The following PRCC variants were observed in gnomAD, a reference collection of about 807,000 sequenced individuals.
PRCC encodes the protein proline rich mitotic checkpoint control factor, also known as proline-rich protein PRCC.
In PRCC, 10 loss-of-function variants were observed where a neutral mutation model predicts 44.0. That is an observed-to-expected ratio of 0.23 (90% CI 0.14 to 0.39). The LOEUF (loss-of-function observed/expected upper bound fraction) is 0.39. Among genes scored for constraint, PRCC ranks in the 10% least tolerant of loss-of-function variants. The probability of loss-of-function intolerance (pLI) is 1.00; values close to 1 mark genes in which losing one functional copy is unlikely to be tolerated. For synonymous variants in PRCC, 278 were observed against 259.5 expected, an observed-to-expected ratio of 1.07 and a Z score of -0.69; for missense variants, 573 against 624.7, an observed-to-expected ratio of 0.92 and a Z score of 0.88.
chr1:156,768,175 T>C lies in PRCC; in HGVS notation c.404T>C (p.Leu135Pro). ...GGCGGTGCCGGTCCCCCGCTGGGGCTTCCCAAGCCAAAGAAGAGGAAAGAG... is the reference window on the plus strand; with the variant it reads ...GGCGGTGCCGGTCCCCCGCTGGGGCCTCCCAAGCCAAAGAAGAGGAAAGAG... Reference protein sequence around the residue: ...PIGGAGPPLGLPKPKKRKEPV... With the variant: ...PIGGAGPPLGPPKPKKRKEPV... The change falls in exon 1 of 7, where the codon CTT (leucine) becomes CCT (proline). Residue 135 changes from leucine to proline, a missense_variant. Coordinates refer to ENST00000271526, the MANE Select transcript of PRCC (RefSeq NM_005973.5). 1.9e-6 allele frequency: 3 copies of C among 1,552,570 alleles called. No individual in the cohort carries two copies. Among genetic ancestry groups the C allele is most frequent in the Non-Finnish European group, 2.6e-6 (3 of 1,148,716 alleles).
Position 156,767,563 on chromosome 1 carries a change from A to G in PRCC, c.-209A>G, listed in dbSNP as rs887002878. ...CATTAGCTGTGTGTAGTTGCCCGGG[A>G]CTAGGAGCTTAAGTGAAGAGGTACG... On this transcript the variant is annotated 5_prime_UTR_variant, in exon 1 of 7. Transcript: ENST00000271526. 2.9e-5 allele frequency: 17 copies of G among 587,546 alleles called. No homozygotes were observed. The highest frequency in any genetic ancestry group is 4.2e-5 in the Non-Finnish European group (14 of 334,922). The allele number at this position is 587,546 out of a possible 1,614,324, so 36.4% of individuals were successfully genotyped here. A position where few individuals can be genotyped will look rare whatever the true frequency, so the allele number is the denominator to read the frequency against.
intron 1 of PRCC, among the ~76,000 whole-genome samples, chr1:156,780,424 G>T (rs931382350): frequency 1.3e-5 from 2 of 150,412 alleles, no homozygotes; most frequent in Non-Finnish European, 3.0e-5. Context: ...TTAATTTTAA[G>T]ATTTATTTTT....
At chr1:156,779,128 A>ATATTTTT (rs1651947127) in intron 1 of PRCC, among the ~76,000 whole-genome samples, 3 of 35,882 alleles carry the variant, frequency 8.4e-5, no homozygotes, top group African/African-American at 2.5e-4. Flanking sequence ...ATATATATAT[A>ATATTTTT]TTTTTTTTTT....
intron 2 of PRCC, 58 bp from the exon 3 acceptor site, chr1:156,786,550 T>C: frequency 6.6e-7 from 1 of 1,509,948 alleles, no homozygotes; most frequent in Non-Finnish European, 9.0e-7. Flanking sequence ...GTGTTGCTAG[T>C]ACATAAAATC....
chr1:156,785,021 T>C (rs1571584944), intron 2 of PRCC, among the ~76,000 whole-genome samples: 1 of 152,014 alleles, frequency 6.6e-6, no homozygotes, highest in Non-Finnish European at 1.5e-5. Context: ...TATATATATA[T>C]ACACTCATTT....
At chr1:156,794,888 A>G in intron 5 of PRCC, 80 bp downstream of exon 5, 1 of 1,555,362 alleles carries the variant, frequency 6.4e-7, no homozygotes, top group Non-Finnish European at 8.8e-7. Context: ...TCTTGACCCC[A>G]CACCCCATTG....
chr1:156,774,692 G>A (rs1415545730), intron 1 of PRCC, among the ~76,000 whole-genome samples: 6 of 151,796 alleles, frequency 4.0e-5, no homozygotes, highest in Non-Finnish European at 5.9e-5. Context: ...GGTGGCTCAC[G>A]CCTGTAAACC....
intron 4 of PRCC, among the ~76,000 whole-genome samples, chr1:156,793,954 C>CTTTTTTTTTTTTTT (rs147637460): frequency 9.9e-6 from 1 of 101,436 alleles, no homozygotes; most frequent in South Asian, 3.4e-4. Context: ...TTCTTTCTTT[C>CTTTTTTTTTTTTTT]TTTTTTTTTT....
intron 1 of PRCC, among the ~76,000 whole-genome samples, chr1:156,781,418 C>CA (rs1652046936): frequency 6.6e-6 from 1 of 152,140 alleles, no homozygotes; most frequent in Non-Finnish European, 1.5e-5. Flanking sequence ...TTTTTATTTG[C>CA]AGATATCCAA....
chr1:156,791,841 T>C (rs754760934), intron 4 of PRCC, 49 bp downstream of exon 4: 5 of 1,511,472 alleles, frequency 3.3e-6, no homozygotes, highest in Non-Finnish European at 4.6e-6. Flanking sequence ...GGGCACCACA[T>C]TTCAAATCTG....
intron 1 of PRCC, among the ~76,000 whole-genome samples, chr1:156,768,829 T>C (rs979941550): frequency 1.3e-5 from 2 of 152,222 alleles, no homozygotes; most frequent in Admixed American, 1.3e-4. Context: ...ACTATTGTTT[T>C]ACAGATGAGA....
intron 1 of PRCC, among the ~76,000 whole-genome samples, chr1:156,775,181 G>A (rs1157062719): frequency 6.6e-6 from 1 of 151,950 alleles, no homozygotes; most frequent in Non-Finnish European, 1.5e-5. Flanking sequence ...CCGGGAGGTG[G>A]AGCTTGCAGT....
chr1:156,782,858 C>T (rs543501599), intron 2 of PRCC, among the ~76,000 whole-genome samples: 52 of 152,092 alleles, frequency 3.4e-4, no homozygotes, highest in Non-Finnish European at 6.0e-4. Flanking sequence ...CAAGATCAGA[C>T]AACTAGTGTG....
At position 156,774,157 on chromosome 1, in the gene PRCC, C is replaced by CTTTTTTTT. The variant is rs76271348; in HGVS notation, c.468+5947_468+5954dup. On this transcript the variant is annotated intron_variant, in intron 1 of 6. Coordinates refer to ENST00000271526, the MANE Select transcript of PRCC (RefSeq NM_005973.5). ...GAGTTTCTTTCTTTTTTTGAGTCACCTTTTTTTTTTTTTTTTTTTTTTTTT... is the reference window on the plus strand; with the variant it reads ...GAGTTTCTTTCTTTTTTTGAGTCACCTTTTTTTTTTTTTTTTTTTTTTTTTTTTTTTTT... Among the ~76,000 whole-genome samples, 44 of 53,994 alleles carry CTTTTTTTT rather than the reference C, an allele frequency of 8.1e-4. 14 individuals are homozygous for CTTTTTTTT. The highest frequency in any genetic ancestry group is 6.7e-3 in the East Asian group (8 of 1,198). 35.4% of individuals were successfully genotyped at this position (53,994 alleles called of 152,430 possible).
intron 1 of PRCC, among the ~76,000 whole-genome samples, chr1:156,771,371 A>G (rs1333253109): frequency 6.6e-6 from 1 of 152,202 alleles, no homozygotes; most frequent in Non-Finnish European, 1.5e-5. Context: ...TTCTCTGATC[A>G]CAGAGTGGTG....
In PRCC at chr1:156,800,602, A is replaced by G; in HGVS notation, c.*142A>G. 1.3e-6 allele frequency: 1 copy of G among 747,116 alleles called. No individual in the cohort carries two copies. The highest frequency in any genetic ancestry group is 2.8e-5 in the Admixed American group (1 of 35,196). The allele number at this position is 747,116 out of a possible 1,614,324, so 46.3% of individuals were successfully genotyped here. A position where few individuals can be genotyped will look rare whatever the true frequency, so the allele number is the denominator to read the frequency against. On this transcript the variant is annotated 3_prime_UTR_variant, in exon 7 of 7. Transcript: ENST00000271526. ...CCCTCGCCTCTGCGAGAATGAACATATTTGATAGATTTTTCTTAACAAGTT... is the reference window on the plus strand; with the variant it reads ...CCCTCGCCTCTGCGAGAATGAACATGTTTGATAGATTTTTCTTAACAAGTT...
chr1:156,769,594 AT>A (rs937029725), intron 1 of PRCC, among the ~76,000 whole-genome samples: 2 of 150,862 alleles, frequency 1.3e-5, no homozygotes, highest in South Asian at 2.1e-4. Context: ...TTTTTTTTAA[AT>A]TTTTTTTATT....
intron 1 of PRCC, among the ~76,000 whole-genome samples, chr1:156,769,671 C>G (rs1328999393): frequency 6.6e-6 from 1 of 152,110 alleles, no homozygotes; most frequent in African/African-American, 2.4e-5. Flanking sequence ...ACGATCTCTG[C>G]TCACTGCAAG....
At chr1:156,777,233 A>G (rs2102756988) in intron 1 of PRCC, among the ~76,000 whole-genome samples, 1 of 152,208 alleles carries the variant, frequency 6.6e-6, no homozygotes, top group East Asian at 1.9e-4. Flanking sequence ...TGAATCTCAG[A>G]CCTGGACAGC....
Sources: gnomAD v4.1 joint callset for allele counts (sites outside exome capture counted in the v4.1 genomes callset) on GRCh38, gnomAD v4.1.1 for gene constraint, MANE v1.5 for transcripts, NCBI Gene and HGNC (gene_info 2026-07-23, HGNC 2026-07-21) for gene names.